The following UBE3D variants were observed in gnomAD, a reference collection of about 807,000 sequenced individuals.
UBE3D encodes E3 ubiquitin-protein ligase E3D.
In UBE3D, 48 loss-of-function variants were observed where a neutral mutation model predicts 49.6. That is an observed-to-expected ratio of 0.97 (90% confidence interval 0.77 to 1.23). UBE3D has a LOEUF of 1.23. Among genes scored for constraint, UBE3D ranks in the 50% most tolerant of loss-of-function variants. The pLI, the probability that UBE3D is intolerant of heterozygous loss-of-function variation, is 0.00. For missense variants in UBE3D, 452 were observed against 468.4 expected, an observed-to-expected ratio of 0.96 and a Z score of 0.32; for synonymous variants, 189 against 174.2, an observed-to-expected ratio of 1.08 and a Z score of -0.67.
chr6:82,972,065 C>G (rs1481916839), intron 8 of UBE3D, among the ~76,000 whole-genome samples: 2 of 152,164 alleles, frequency 1.3e-5, no homozygotes, highest in Admixed American at 6.5e-5. Context: ...GAGAGATGAT[C>G]TAGCAGAGCT....
At chr6:82,914,889 C>T (rs1772802491) in intron 9 of UBE3D, among the ~76,000 whole-genome samples, 1 of 148,432 alleles carries the variant, frequency 6.7e-6, no homozygotes, top group African/African-American at 2.5e-5. Context: ...TCCATCCTCT[C>T]TCATCCTGAG....
Position 82,960,299 on chromosome 6 carries a change from C to T in UBE3D, c.1011-2849G>A, listed in dbSNP as rs138509624. Among the ~76,000 whole-genome samples, 300 of 152,226 alleles carry T rather than the reference C, an allele frequency of 2.0e-3. 3 individuals carry two copies. The highest frequency in any genetic ancestry group is 6.3e-3 in the African/African-American group (262 of 41,568). ...TCATTACATAACATTTTCAACATTT[C>T]TCTGGAATGAAAATTAAAATGTTGC... On this transcript the variant is annotated intron_variant, in intron 8 of 9. Transcript: ENST00000369747.
chr6:83,047,899 G>A (rs192867490), intron 3 of UBE3D, among the ~76,000 whole-genome samples: 150 of 151,902 alleles, frequency 9.9e-4, no homozygotes, highest in African/African-American at 3.1e-3. Context: ...TGGCTAACAC[G>A]GTGAAACCCC....
At chr6:82,938,701 C>T (rs981942450) in intron 9 of UBE3D, 4 of 152,124 alleles carry the variant, frequency 2.6e-5, no homozygotes, top group Non-Finnish European at 5.9e-5. Context: ...TCTCTTATCA[C>T]GTGTTTCTTA....
chr6:83,019,969 C>T (rs893332695), intron 7 of UBE3D, among the ~76,000 whole-genome samples: 1 of 152,134 alleles, frequency 6.6e-6, no homozygotes, highest in Admixed American at 6.5e-5. Flanking sequence ...TGTGGAGAAG[C>T]GGGCAGCTGT....
At chr6:82,903,716 A>G (rs114553302) in intron 9 of UBE3D, among the ~76,000 whole-genome samples, 1,874 of 152,284 alleles carry the variant, frequency 0.012, 38 homozygotes, top group African/African-American at 0.043. Context: ...AAGAATAAAT[A>G]CCATTTATTT....
intron 9 of UBE3D, among the ~76,000 whole-genome samples, chr6:82,897,354 G>T (rs1369191423): frequency 1.3e-5 from 2 of 152,092 alleles, no homozygotes; most frequent in African/African-American, 4.8e-5. Context: ...ACTTTGGGAG[G>T]CTGAGGTGGG....
chr6:83,038,810 T>C (rs1782448252), intron 4 of UBE3D, among the ~76,000 whole-genome samples: 1 of 151,878 alleles, frequency 6.6e-6, no homozygotes, highest in Non-Finnish European at 1.5e-5. Context: ...AACAGGCAGA[T>C]GGTGGGCAAC....
chr6:82,975,308 C>A (rs1413437959), intron 8 of UBE3D, among the ~76,000 whole-genome samples: 3 of 151,992 alleles, frequency 2.0e-5, no homozygotes, highest in African/African-American at 7.3e-5. Context: ...CATGGAAAGA[C>A]AGTCATAATA....
intron 8 of UBE3D, among the ~76,000 whole-genome samples, chr6:82,972,131 A>G (rs1777399376): frequency 6.6e-6 from 1 of 152,106 alleles, no homozygotes; most frequent in Admixed American, 6.5e-5. Flanking sequence ...ATCATATGCA[A>G]CCACAGAGTT....
intron 9 of UBE3D, among the ~76,000 whole-genome samples, chr6:82,899,314 C>T (rs188063589): frequency 6.6e-6 from 1 of 152,192 alleles, no homozygotes; most frequent in Admixed American, 6.5e-5. Context: ...GGGACAGAAA[C>T]AATAGACTAA....
chr6:82,962,371 G>A (rs553839368), intron 8 of UBE3D, among the ~76,000 whole-genome samples: 4 of 152,230 alleles, frequency 2.6e-5, no homozygotes, highest in South Asian at 2.1e-4. Context: ...CATTGGCACC[G>A]CCTTGTCACT....
intron 8 of UBE3D, chr6:83,018,637 T>C (rs553262406): frequency 4.5e-6 from 1 of 220,698 alleles, no homozygotes; most frequent in South Asian, 7.3e-5. Flanking sequence ...GGGGCTGGGG[T>C]TTGTTCATTA....
chr6:83,045,671 T>C (rs1782976639), intron 3 of UBE3D, among the ~76,000 whole-genome samples: 1 of 152,188 alleles, frequency 6.6e-6, no homozygotes, highest in Non-Finnish European at 1.5e-5. Flanking sequence ...GGAATAACTT[T>C]AGATTTACAG....
intron 8 of UBE3D, among the ~76,000 whole-genome samples, chr6:82,986,810 C>T (rs904587871): frequency 4.7e-5 from 7 of 147,520 alleles, no homozygotes; most frequent in African/African-American, 1.7e-4. Flanking sequence ...GAGTTATTAG[C>T]CTTGATCTCT....
In UBE3D at chr6:82,903,180, TCTTA is replaced by T. The variant is rs570893356; in HGVS notation, c.1150-10142_1150-10139del. Among the ~76,000 whole-genome samples, 80 of 152,196 alleles carry T rather than the reference TCTTA, an allele frequency of 5.3e-4. 1 individual carries two copies. The highest frequency in any genetic ancestry group is 1.9e-3 in the African/African-American group (79 of 41,532). ...TTCTTTTTTTTTTGTAGAGATGCGG[TCTTA>T]CTTTGTAGCCCAGGCTGGTCTCAAA... On this transcript the variant is annotated intron_variant, in intron 9 of 9. Transcript: ENST00000369747.
chr6:82,942,021 C>A (rs576542349), intron 9 of UBE3D, among the ~76,000 whole-genome samples: 3 of 152,088 alleles, frequency 2.0e-5, no homozygotes, highest in Admixed American at 6.6e-5. Context: ...AACTGGGAAA[C>A]GGGCAGAGGT....
At chr6:83,003,952 A>C (rs1184940140) in intron 8 of UBE3D, among the ~76,000 whole-genome samples, 2 of 152,216 alleles carry the variant, frequency 1.3e-5, no homozygotes, top group East Asian at 3.8e-4. Context: ...CAAATATGTG[A>C]AAAGTGATTT....
intron 8 of UBE3D, among the ~76,000 whole-genome samples, chr6:82,970,606 G>A (rs552936990): frequency 9.9e-5 from 15 of 152,260 alleles, no homozygotes; most frequent in East Asian, 9.7e-4. Flanking sequence ...TTGGGAGGTC[G>A]AGGCGGGCAG....
Sources: gnomAD v4.1 joint callset for allele counts (sites outside exome capture counted in the v4.1 genomes callset) on GRCh38, gnomAD v4.1.1 for gene constraint, MANE v1.5 for transcripts, NCBI Gene and HGNC (gene_info 2026-07-23, HGNC 2026-07-21) for gene names.